Variants in SEL1L observed in about 807,000 individuals in gnomAD.
The protein encoded by SEL1L is SEL1L adaptor subunit of SYVN1 ubiquitin ligase.
Under a neutral mutation model 109.8 loss-of-function variants are expected in SEL1L, and 52 were observed. That is an observed-to-expected ratio of 0.47 (90% CI 0.38 to 0.60). SEL1L has a LOEUF of 0.60. Ranked by LOEUF, SEL1L falls within the 20% of genes least tolerant of loss-of-function variation. SEL1L has a pLI of 0.00. For missense variants in SEL1L, 749 were observed against 962.2 expected (o/e 0.78, Z 2.93); for synonymous variants, 373 against 339.6 (o/e 1.10, Z -1.08).
At chr14:81,489,218 T>C (rs371194572) in intron 14 of SEL1L, 34 bp downstream of exon 14, 10 of 1,582,656 alleles carry the variant, frequency 6.3e-6, no homozygotes, top group Non-Finnish European at 8.7e-6. Context: ...AGCTGACTGC[T>C]CATTAAAGAG....
At chr14:81,502,221 T>C (rs1884044658) in intron 6 of SEL1L, among the ~76,000 whole-genome samples, 2 of 152,170 alleles carry the variant, frequency 1.3e-5, no homozygotes, top group South Asian at 2.1e-4. Context: ...GAAAGATCTA[T>C]TACAGAAAGA....
intron 17 of SEL1L, 98 bp from the exon 18 acceptor site, chr14:81,485,844 T>A (rs1326062259): frequency 2.1e-6 from 2 of 931,992 alleles, no homozygotes; most frequent in Non-Finnish European, 3.4e-6. Context: ...AAGCATAAGT[T>A]AAACAAGAAT....
Position 81,525,978 on chromosome 14 carries a change from A to G in SEL1L, c.340+755T>C, listed in dbSNP as rs1236430589. On this transcript the variant is annotated intron_variant, in intron 3 of 20. Transcript: ENST00000336735. ...CAGGTACTTTTAATTTTTTAAAAAT[A>G]GTTTTCTATTCATGAGAATGGTATA... is the stretch of plus-strand genomic sequence containing the variant. Among the ~76,000 whole-genome samples the G allele has an allele frequency of 3.3e-5, 5 of 152,272 alleles. No individual in the cohort carries two copies. In the East Asian group the frequency reaches 5.8e-4, roughly 18 times the overall value.
intron 20 of SEL1L, 107 bp from the exon 21 acceptor site, chr14:81,477,288 T>G: frequency 1.1e-6 from 1 of 944,882 alleles, no homozygotes. Context: ...TAATTTGTTT[T>G]AAAAACGTTT....
intron 6 of SEL1L, among the ~76,000 whole-genome samples, chr14:81,499,908 T>G (rs1883932417): frequency 6.8e-6 from 1 of 147,812 alleles, no homozygotes; most frequent in Non-Finnish European, 1.5e-5. Context: ...TGTGGCTTTT[T>G]TTTTTTTTTT....
chr14:81,494,486 C>T (rs1417106463), intron 11 of SEL1L, among the ~76,000 whole-genome samples: 1 of 152,196 alleles, frequency 6.6e-6, no homozygotes, highest in African/African-American at 2.4e-5. Flanking sequence ...CCTTGAAGTG[C>T]TGCAGGGATA....
At chr14:81,487,714 A>G in intron 15 of SEL1L, 141 bp downstream of exon 15, 1 of 1,501,926 alleles carries the variant, frequency 6.7e-7, no homozygotes, top group East Asian at 2.4e-5. Flanking sequence ...ATGAAAAACA[A>G]GATGTACAAA....
At chr14:81,527,626 A>G (rs1885163819) in intron 2 of SEL1L, 75 bp downstream of exon 2, 2 of 1,086,794 alleles carry the variant, frequency 1.8e-6, no homozygotes, top group Admixed American at 5.1e-5. Context: ...CAGACCTCAT[A>G]TCCTTTCTAA....
intron 3 of SEL1L, among the ~76,000 whole-genome samples, chr14:81,509,542 A>G (rs1884378337): frequency 6.6e-6 from 1 of 152,262 alleles, no homozygotes; most frequent in Admixed American, 6.5e-5. Context: ...TTTATAGTAC[A>G]GAACTTATTG....
intron 13 of SEL1L, 105 bp downstream of exon 13, chr14:81,490,283 T>C (rs995948498): frequency 8.9e-6 from 7 of 784,568 alleles, no homozygotes; most frequent in Non-Finnish European, 1.2e-5. Flanking sequence ...GTTTCAATAA[T>C]GTATAGCATG....
At chr14:81,526,159 T>C (rs1885104364) in intron 3 of SEL1L, among the ~76,000 whole-genome samples, 2 of 152,178 alleles carry the variant, frequency 1.3e-5, no homozygotes, top group Admixed American at 1.3e-4. Flanking sequence ...CATACATTAA[T>C]AATTTTTAAA....
intron 2 of SEL1L, among the ~76,000 whole-genome samples, chr14:81,527,185 A>G (rs1885146317): frequency 6.6e-6 from 1 of 152,046 alleles, no homozygotes; most frequent in Non-Finnish European, 1.5e-5. Flanking sequence ...CTTCCCCCAG[A>G]AGCCTTCCTT....
In SEL1L at chr14:81,533,817, C is replaced by A; in HGVS notation, c.-73G>T. 10 of 1,395,310 alleles carry A rather than the reference C, an allele frequency of 7.2e-6. No homozygotes were observed. Among genetic ancestry groups the A allele is most frequent in the Non-Finnish European group, 1.0e-5 (10 of 999,958 alleles). The allele number at this position is 1,395,310 out of a possible 1,614,324, so 86.4% of individuals were successfully genotyped here. ...CTGCCACCACGGACTCAGCCACCACCGCCGCCTCGCCGCTGCTCTTCCTGC... is the reference window on the plus strand; with the variant it reads ...CTGCCACCACGGACTCAGCCACCACAGCCGCCTCGCCGCTGCTCTTCCTGC... On this transcript the variant is annotated 5_prime_UTR_variant, in exon 1 of 21. Transcript: ENST00000336735.
At chr14:81,498,076 G>C in intron 9 of SEL1L, 30 bp from the exon 10 acceptor site, 1 of 1,589,072 alleles carries the variant, frequency 6.3e-7, no homozygotes, top group Non-Finnish European at 8.6e-7. Context: ...CAATAAGGTG[G>C]AGGAAAATCA....
intron 1 of SEL1L, 100 bp downstream of exon 1, chr14:81,533,575 G>C (rs1885418238): frequency 8.8e-7 from 1 of 1,133,516 alleles, no homozygotes; most frequent in African/African-American, 1.5e-5. Flanking sequence ...TGTGCCCAGG[G>C]AGAACGGGGT....
At chr14:81,497,744 T>C (rs919006827) in intron 10 of SEL1L, 148 bp downstream of exon 10, 2 of 680,100 alleles carry the variant, frequency 2.9e-6, no homozygotes, top group Admixed American at 3.4e-5. Context: ...TTTTTTTTTT[T>C]AAGGGGCTCA....
intron 11 of SEL1L, among the ~76,000 whole-genome samples, chr14:81,493,522 A>C (rs969208969): frequency 6.6e-6 from 1 of 151,918 alleles, no homozygotes; most frequent in African/African-American, 2.4e-5. Context: ...ATAAATAAAT[A>C]AATAAATAAA....
chr14:81,476,868 T>C lies in SEL1L; in HGVS notation c.*104A>G. ...ATTCAATGCTTCCTTGTGCCGTGCCTCTTCTGGGAGGTGACCACTGATCCA... is the reference window on the plus strand; with the variant it reads ...ATTCAATGCTTCCTTGTGCCGTGCCCCTTCTGGGAGGTGACCACTGATCCA... On this transcript the variant is annotated 3_prime_UTR_variant, in exon 21 of 21. Transcript: ENST00000336735. 8.8e-7 allele frequency: 1 copy of C among 1,140,718 alleles called. No homozygotes were observed. Among genetic ancestry groups the C allele is most frequent in the Non-Finnish European group, 1.2e-6 (1 of 805,820 alleles). The allele number at this position is 1,140,718 out of a possible 1,614,324, so 70.7% of individuals were successfully genotyped here.
intron 6 of SEL1L, among the ~76,000 whole-genome samples, chr14:81,501,178 T>C (rs928476433): frequency 1.3e-5 from 2 of 152,002 alleles, no homozygotes; most frequent in African/African-American, 4.8e-5. Context: ...TGACCAGGAG[T>C]CACTACTCAG....
Sources: gnomAD v4.1 joint callset for allele counts (sites outside exome capture counted in the v4.1 genomes callset) on GRCh38, gnomAD v4.1.1 for gene constraint, MANE v1.5 for transcripts, NCBI Gene and HGNC (gene_info 2026-07-23, HGNC 2026-07-21) for gene names.